VWA3B: variants seen among roughly 807,000 people sequenced by gnomAD.
VWA3B encodes von Willebrand factor A domain containing 3B, also known as von Willebrand factor A domain-containing protein 3B.
Under a neutral mutation model 158.3 loss-of-function variants are expected in VWA3B, and 138 were observed. The observed-to-expected ratio is 0.87, with a 90% confidence interval of 0.76 to 1.00. The LOEUF (loss-of-function observed/expected upper bound fraction) is 1.00. Among genes scored for constraint, VWA3B ranks in the 50% least tolerant of loss-of-function variants. The pLI, the probability that VWA3B is intolerant of heterozygous loss-of-function variation, is 0.00. For synonymous variants in VWA3B, 596 were observed against 587.3 expected (o/e 1.01, Z -0.21); for missense variants, 1,555 against 1,565.1 (o/e 0.99, Z 0.11).
chr2:98,189,558 GTGGAGTATAC>G (rs1158406341), intron 10 of VWA3B, among the ~76,000 whole-genome samples: 1 of 152,132 alleles, frequency 6.6e-6, no homozygotes, highest in African/African-American at 2.4e-5. Context: ...GTTTTGTTGG[GTGGAGTATAC>G]TACAGGTATC....
At chr2:98,148,159 T>C (rs568201841) in intron 7 of VWA3B, among the ~76,000 whole-genome samples, 2 of 152,322 alleles carry the variant, frequency 1.3e-5, no homozygotes, top group African/African-American at 4.8e-5. Flanking sequence ...TGAATCAAAA[T>C]GTTTGAACAT....
At chr2:98,196,550 T>C (rs138208281) in intron 12 of VWA3B, among the ~76,000 whole-genome samples, 1 of 152,300 alleles carries the variant, frequency 6.6e-6, no homozygotes, top group Non-Finnish European at 1.5e-5. Flanking sequence ...CAAACAAGCA[T>C]AGGCGTTCCT....
At chr2:98,282,588 C>T (rs1253032445) in intron 22 of VWA3B, among the ~76,000 whole-genome samples, 2 of 151,908 alleles carry the variant, frequency 1.3e-5, no homozygotes, top group African/African-American at 4.8e-5. Flanking sequence ...AGGCGCACGG[C>T]ACCACACCCA....
intron 5 of VWA3B, among the ~76,000 whole-genome samples, chr2:98,124,886 T>C (rs1332079253): frequency 6.6e-6 from 1 of 152,168 alleles, no homozygotes; most frequent in Non-Finnish European, 1.5e-5. Flanking sequence ...TGTGTGAAGC[T>C]GCAGAATGAA....
At chr2:98,188,935 G>C (rs917871557) in intron 10 of VWA3B, among the ~76,000 whole-genome samples, 1 of 152,174 alleles carries the variant, frequency 6.6e-6, no homozygotes, top group Non-Finnish European at 1.5e-5. Flanking sequence ...GAATGCTTCT[G>C]TTTCATACCT....
intron 26 of VWA3B, among the ~76,000 whole-genome samples, chr2:98,307,252 G>C (rs1690581557): frequency 6.6e-6 from 1 of 152,206 alleles, no homozygotes; most frequent in African/African-American, 2.4e-5. Context: ...TTTGCCATGA[G>C]AGTACACCGA....
At chr2:98,216,732 A>C (rs1189033208) in intron 13 of VWA3B, 1 of 474,560 alleles carries the variant, frequency 2.1e-6, no homozygotes, top group South Asian at 1.5e-5. Context: ...GTACTCAACA[A>C]ATATTTGTGG....
chr2:98,166,772 G>GT (rs974145978), intron 8 of VWA3B, among the ~76,000 whole-genome samples: 6 of 131,728 alleles, frequency 4.6e-5, no homozygotes, highest in African/African-American at 6.3e-5. Flanking sequence ...GGGCAATGAT[G>GT]TATCAGTTCC....
intron 19 of VWA3B, among the ~76,000 whole-genome samples, chr2:98,239,891 C>A (rs1334841211): frequency 3.4e-5 from 5 of 148,986 alleles, no homozygotes; most frequent in Admixed American, 6.7e-5. Context: ...CCCAGCCTGG[C>A]AACAGAGCGA....
the VWA3B span, among the ~76,000 whole-genome samples, chr2:98,325,000 A>T: frequency 2.0e-5 from 3 of 152,204 alleles, no homozygotes; most frequent in African/African-American, 7.2e-5. Flanking sequence ...GAAATTGTCA[A>T]ATCTGAAAAA....
intron 13 of VWA3B, among the ~76,000 whole-genome samples, chr2:98,217,212 A>G (rs1684107656): frequency 6.6e-6 from 1 of 152,100 alleles, no homozygotes; most frequent in Admixed American, 6.5e-5. Context: ...ACAATCAGAA[A>G]GTTGAAGCAA....
At chr2:98,276,722 T>A (rs1474627543) in intron 22 of VWA3B, among the ~76,000 whole-genome samples, 1 of 149,934 alleles carries the variant, frequency 6.7e-6, no homozygotes, top group Non-Finnish European at 1.5e-5. Flanking sequence ...GGGCTGCCCA[T>A]GTGTGTCCAG....
At chr2:98,117,540 G>A (rs1416273855) in intron 3 of VWA3B, among the ~76,000 whole-genome samples, 1 of 152,096 alleles carries the variant, frequency 6.6e-6, no homozygotes, top group Non-Finnish European at 1.5e-5. Context: ...TGCTGGCAAT[G>A]CTCTGGTGGG....
rs185442436 is a variant in VWA3B, at chr2:98,211,430, G to A, written c.1738-500G>A. On this transcript the variant is annotated intron_variant, in intron 12 of 27. Coordinates refer to ENST00000477737, the MANE Select transcript of VWA3B (RefSeq NM_144992.5). ...AAGAGATTTTCTAAGTGTTTACTAC[G>A]ATTTGAGAGATTGCTAAAAACAGAA... 1.5e-3 allele frequency among the ~76,000 whole-genome samples: 233 copies of A among 152,268 alleles called. 1 individual carries two copies. Among genetic ancestry groups the A allele is most frequent in the African/African-American group, 5.2e-3 (217 of 41,564 alleles).
chr2:98,144,038 T>C (rs747080776), intron 7 of VWA3B, among the ~76,000 whole-genome samples: 2 of 152,026 alleles, frequency 1.3e-5, no homozygotes, highest in Non-Finnish European at 2.9e-5. Context: ...CAGGCTGCTT[T>C]CTCCTTTATG....
rs1015822187 is a variant in VWA3B, at chr2:98,181,301, G to A, written c.1311+89G>A. On this transcript the variant is annotated intron_variant, in intron 9 of 27. Transcript: ENST00000477737. ...TCCATCGGGTCAGAAGGCAGGGGAA[G>A]GGGCAGCAGGGAGAGAAACCAGCTT... 136 of 1,401,592 alleles carry A rather than the reference G, an allele frequency of 9.7e-5. 1 individual carries two copies. The African/African-American group carries it at 1.6e-3, about 17-fold the overall frequency. 86.8% of individuals were successfully genotyped at this position (1,401,592 alleles called of 1,614,324 possible).
At chr2:98,094,981 A>G (rs993963632) in intron 2 of VWA3B, among the ~76,000 whole-genome samples, 2 of 152,086 alleles carry the variant, frequency 1.3e-5, no homozygotes, top group South Asian at 4.1e-4. Context: ...CCATTGATCT[A>G]TGTGTCTGTT....
chr2:98,249,973 C>G (rs958047142), intron 19 of VWA3B, among the ~76,000 whole-genome samples: 1 of 152,186 alleles, frequency 6.6e-6, no homozygotes, highest in Middle Eastern at 3.4e-3. Context: ...TTTCTTATTG[C>G]CCACTCTTAC....
intron 2 of VWA3B, among the ~76,000 whole-genome samples, chr2:98,108,803 CTCTA>C (rs1282311864): frequency 1.3e-5 from 2 of 151,904 alleles, no homozygotes; most frequent in East Asian, 1.9e-4. Context: ...CTTTGCCAAT[CTCTA>C]TCTTTTACTT....
Sources: gnomAD v4.1 joint callset for allele counts (sites outside exome capture counted in the v4.1 genomes callset) on GRCh38, gnomAD v4.1.1 for gene constraint, MANE v1.5 for transcripts, NCBI Gene and HGNC (gene_info 2026-07-23, HGNC 2026-07-21) for gene names.